The following NR2F1-AS1 variants were observed in gnomAD, a reference collection of about 807,000 sequenced individuals.
NR2F1-AS1 encodes the protein NR2F1 antisense RNA 1.
At chr5:93,492,165 G>A (rs1453568075) in intron 4 of NR2F1-AS1, among the ~76,000 whole-genome samples, 2 of 152,054 alleles carry the variant, frequency 1.3e-5, no homozygotes, top group Non-Finnish European at 2.9e-5. Context: ...AGAATACTTG[G>A]AACTATTTAC....
At chr5:93,480,291 C>A (rs564339833) in intron 4 of NR2F1-AS1, among the ~76,000 whole-genome samples, 1 of 152,140 alleles carries the variant, frequency 6.6e-6, no homozygotes, top group African/African-American at 2.4e-5. Context: ...TTATCACATA[C>A]AAGCCATCCT....
At chr5:93,414,440 C>T (rs1323640189) in intron 4 of NR2F1-AS1, among the ~76,000 whole-genome samples, 1 of 152,132 alleles carries the variant, frequency 6.6e-6, no homozygotes, top group Non-Finnish European at 1.5e-5. Context: ...ACCCTTAGTA[C>T]TAATATATGT....
intron 4 of NR2F1-AS1, among the ~76,000 whole-genome samples, chr5:93,490,969 C>T: frequency 8.8e-6 from 1 of 114,056 alleles, no homozygotes; most frequent in South Asian, 3.0e-4. Context: ...GTGGTTGTTC[C>T]TGGTAATGGT....
upstream of NR2F1-AS1, chr5:93,580,854 T>C (rs1753010031): frequency 6.6e-6 from 1 of 152,314 alleles, no homozygotes; most frequent in Non-Finnish European, 1.5e-5. Context: ...AAGGAGCCCC[T>C]GCTACCCCCA....
At chr5:93,460,904 C>T (rs1750076493) in intron 4 of NR2F1-AS1, among the ~76,000 whole-genome samples, 1 of 152,202 alleles carries the variant, frequency 6.6e-6, no homozygotes, top group Non-Finnish European at 1.5e-5. Flanking sequence ...ATTAGTTTGA[C>T]CACTGTGGAA....
At chr5:93,558,824 A>G in intron 2 of NR2F1-AS1, among the ~76,000 whole-genome samples, 1 of 152,208 alleles carries the variant, frequency 6.6e-6, no homozygotes, top group East Asian at 1.9e-4. Flanking sequence ...CAGCAAGTCT[A>G]AAACAGTGGG....
At chr5:93,478,382 GGTTTTTTGTT>G (rs781205859) in intron 4 of NR2F1-AS1, among the ~76,000 whole-genome samples, 2 of 152,036 alleles carry the variant, frequency 1.3e-5, no homozygotes, top group Non-Finnish European at 2.9e-5. Flanking sequence ...CTAAAGGGCA[GGTTTTTTGTT>G]GTTTTTTGTT....
chr5:93,514,349 A>G (rs1279637825), intron 4 of NR2F1-AS1, among the ~76,000 whole-genome samples: 2 of 152,150 alleles, frequency 1.3e-5, no homozygotes, highest in Non-Finnish European at 2.9e-5. Context: ...AAGCTACACT[A>G]TCCTCATGAT....
chr5:93,448,312 C>A (rs1202343426), intron 4 of NR2F1-AS1, among the ~76,000 whole-genome samples: 1 of 152,160 alleles, frequency 6.6e-6, no homozygotes, highest in Non-Finnish European at 1.5e-5. Context: ...GCCTTTCTGT[C>A]CTTGGGGTCC....
intron 1 of NR2F1-AS1, among the ~76,000 whole-genome samples, chr5:93,577,958 A>C (rs1752932858): frequency 6.6e-6 from 1 of 152,198 alleles, no homozygotes; most frequent in Non-Finnish European, 1.5e-5. Flanking sequence ...ATGGCTCTTG[A>C]ACTAGATTTA....
intron 4 of NR2F1-AS1, among the ~76,000 whole-genome samples, chr5:93,427,182 T>G (rs1355048410): frequency 6.6e-6 from 1 of 152,140 alleles, no homozygotes; most frequent in Non-Finnish European, 1.5e-5. Flanking sequence ...TTTTTTTAAG[T>G]GAAAAAAATT....
At chr5:93,491,725 C>T (rs1484587858) in intron 4 of NR2F1-AS1, among the ~76,000 whole-genome samples, 2 of 152,168 alleles carry the variant, frequency 1.3e-5, no homozygotes, top group Admixed American at 1.3e-4. Flanking sequence ...TCTTCTCCTA[C>T]CCTTGGACAT....
chr5:93,442,705 C>T (rs1261940371), intron 4 of NR2F1-AS1, among the ~76,000 whole-genome samples: 4 of 152,196 alleles, frequency 2.6e-5, no homozygotes, highest in Non-Finnish European at 4.4e-5. Flanking sequence ...CTTCTCCCAG[C>T]ACAGAGTTTG....
intron 1 of NR2F1-AS1, among the ~76,000 whole-genome samples, chr5:93,577,728 A>C (rs1036194630): frequency 4.6e-5 from 7 of 152,130 alleles, no homozygotes; most frequent in African/African-American, 1.7e-4. Flanking sequence ...AGCACCTTTC[A>C]AATAAGCTCT....
At chr5:93,552,623 G>A (rs569978424) in intron 4 of NR2F1-AS1, among the ~76,000 whole-genome samples, 1 of 149,086 alleles carries the variant, frequency 6.7e-6, no homozygotes, top group Non-Finnish European at 1.5e-5. Flanking sequence ...TTGACCTTGG[G>A]ATTTGTTTAT....
At chr5:93,489,322 T>C (rs1449576084) in intron 4 of NR2F1-AS1, among the ~76,000 whole-genome samples, 2 of 151,534 alleles carry the variant, frequency 1.3e-5, no homozygotes, top group Non-Finnish European at 2.9e-5. Context: ...CATCAACATC[T>C]AGGAAAGACC....
chr5:93,412,076 G>C (rs898524637), intron 4 of NR2F1-AS1, among the ~76,000 whole-genome samples: 12 of 152,220 alleles, frequency 7.9e-5, no homozygotes, highest in African/African-American at 2.9e-4. Context: ...CATGAGGGCA[G>C]CATGGAAGGA....
At chr5:93,499,644 G>A (rs1191255035) in intron 4 of NR2F1-AS1, among the ~76,000 whole-genome samples, 1 of 152,024 alleles carries the variant, frequency 6.6e-6, no homozygotes, top group Admixed American at 6.6e-5. Flanking sequence ...TTGAAATTGG[G>A]CCAATGAATA....
chr5:93,582,175 A>C (rs1446940483), upstream of NR2F1-AS1, among the ~76,000 whole-genome samples: 1 of 128,954 alleles, frequency 7.8e-6, no homozygotes, highest in African/African-American at 3.1e-5. Flanking sequence ...TGACTTGGCC[A>C]CACTAATCTC....
Sources: allele counts gnomAD v4.1 joint callset (sites outside exome capture counted in the v4.1 genomes callset), GRCh38; gene constraint gnomAD v4.1.1; transcripts MANE v1.5; gene names NCBI Gene and HGNC (gene_info 2026-07-23, HGNC 2026-07-21).